Variants in USP33 observed in about 807,000 individuals in gnomAD.
USP33 encodes the protein ubiquitin carboxyl-terminal hydrolase 33.
A neutral mutation model predicts 124.2 loss-of-function variants in USP33; 46 were observed. That is an observed-to-expected ratio of 0.37 (90% CI 0.29 to 0.47). The LOEUF (loss-of-function observed/expected upper bound fraction) is 0.47. USP33 is among the 20% of genes least tolerant of loss of function. USP33 has a pLI of 0.99. For missense variants in USP33, 851 were observed against 1,070.6 expected (o/e 0.79, Z 2.86); for synonymous variants, 350 against 352.3 (o/e 0.99, Z 0.07).
intron 8 of USP33, 77 bp from the exon 9 acceptor site, chr1:77,730,015 CAA>C: frequency 7.8e-7 from 1 of 1,282,058 alleles, no homozygotes; most frequent in Non-Finnish European, 1.1e-6. Flanking sequence ...ACCAATAATT[CAA>C]AGTGTTAAAT....
intron 5 of USP33, among the ~76,000 whole-genome samples, chr1:77,737,039 T>C (rs1380811196): frequency 6.6e-6 from 1 of 151,678 alleles, no homozygotes; most frequent in Non-Finnish European, 1.5e-5. Flanking sequence ...TAGTAAACAC[T>C]TTAAAAAAAA....
Position 77,718,632 on chromosome 1 carries a change from A to G in USP33, c.1701T>C (p.Asn567=). The change falls in exon 16 of 24, where the codon AAT becomes AAC. Residue 567 remains asparagine (N), a synonymous_variant. Coordinates refer to ENST00000370794, the MANE Select transcript of USP33 (RefSeq NM_201624.3). ...YSCEKCKKLR[N]GVKFCKVQNF... Reference sequence around the variant, plus strand: ...TTTGTACTTTACAAAACTTCACTCCATTTCTCAACCTAAGGGGAGAAAAGA... The same window carrying G: ...TTTGTACTTTACAAAACTTCACTCCGTTTCTCAACCTAAGGGGAGAAAAGA... The G allele has an allele frequency of 2.5e-6, 4 of 1,608,554 alleles. No individual in the cohort carries two copies. Among genetic ancestry groups the G allele is most frequent in the Non-Finnish European group, 8.5e-7 (1 of 1,176,686 alleles).
intron 7 of USP33, among the ~76,000 whole-genome samples, chr1:77,732,999 T>C (rs1678013367): frequency 6.6e-6 from 1 of 151,826 alleles, no homozygotes; most frequent in Admixed American, 6.6e-5. Context: ...TTCACTATGT[T>C]GGCCAGGCTG....
At chr1:77,713,443 G>C (rs1391628188) in intron 19 of USP33, 162 bp from the exon 20 acceptor site, 9 of 580,022 alleles carry the variant, frequency 1.6e-5, no homozygotes, top group Non-Finnish European at 2.6e-5. Flanking sequence ...GAGTGCAGTG[G>C]CATGATCATG....
chr1:77,743,385 A>C (rs541604024), intron 1 of USP33, among the ~76,000 whole-genome samples: 1 of 152,288 alleles, frequency 6.6e-6, no homozygotes, highest in African/African-American at 2.4e-5. Flanking sequence ...TTTTAAGAAA[A>C]GTTGAACAAA....
At position 77,697,460 on chromosome 1, in the gene USP33, G is replaced by A. The variant is rs370932717; in HGVS notation, c.2593C>T (p.Gln865Ter). The A allele has an allele frequency of 3.1e-6, 5 of 1,599,450 alleles. No homozygotes were observed. Among genetic ancestry groups the A allele is most frequent in the Non-Finnish European group, 3.4e-6 (4 of 1,176,304 alleles). The part of the protein sequence containing the change: ...VMLRQGADSG[Q>*]ISEETWNFLQ... ...AAATTCCATGTTTCTTCAGAAATCT[G>A]GCCAGAATCTGCTCCTTAAAATTAC... Residue 865 changes from glutamine (Q) to a stop codon, truncating the protein, a stop_gained, in exon 24 of 24, where the codon CAG (glutamine) becomes TAG (stop). Transcript: ENST00000370794. LOFTEE classifies it high-confidence loss of function.
At chr1:77,745,677 C>G (rs1008040014) in intron 1 of USP33, 1 of 152,196 alleles carries the variant, frequency 6.6e-6, no homozygotes, top group African/African-American at 2.4e-5. Flanking sequence ...TTATAACAAA[C>G]TGTCTCTCAG....
At chr1:77,759,298 T>C (rs566209565) in intron 1 of USP33, 27 of 301,180 alleles carry the variant, frequency 9.0e-5, no homozygotes, top group African/African-American at 5.2e-4. Flanking sequence ...CTGGCAAGCC[T>C]GAGTGGGGAG....
chr1:77,718,554 T>G, intron 16 of USP33, 42 bp downstream of exon 16: 1 of 1,456,426 alleles, frequency 6.9e-7, no homozygotes, highest in South Asian at 1.2e-5. Context: ...TACTTTATGT[T>G]CCTACCACAC....
chr1:77,701,544 C>G, intron 21 of USP33, 73 bp from the exon 22 acceptor site: 1 of 1,256,404 alleles, frequency 8.0e-7, no homozygotes. Context: ...CATCATTCCA[C>G]TTCAGTGTTT....
intron 5 of USP33, 111 bp downstream of exon 5, chr1:77,739,154 T>G: frequency 1.5e-6 from 2 of 1,291,176 alleles, no homozygotes; most frequent in Non-Finnish European, 2.1e-6. Context: ...TACAGAAATT[T>G]TCAAAGTACA....
chr1:77,757,482 A>G (rs893913322), intron 1 of USP33, among the ~76,000 whole-genome samples: 2 of 152,236 alleles, frequency 1.3e-5, no homozygotes, highest in African/African-American at 4.8e-5. Flanking sequence ...AACTGTACTC[A>G]TCTCACACTC....
intron 17 of USP33, 99 bp downstream of exon 17, chr1:77,717,768 T>C: frequency 9.0e-7 from 1 of 1,114,182 alleles, no homozygotes; most frequent in Admixed American, 3.1e-5. Flanking sequence ...CCCACCTCAT[T>C]CTCCCAAAAG....
Position 77,725,663 on chromosome 1 carries a change from G to A in USP33, c.1235C>T (p.Ser412Leu). Residue 412 changes from serine to leucine, a missense_variant, in exon 11 of 24, where the codon TCA (serine) becomes TTA (leucine). Physicochemically the swap from Ser to Leu is moderately radical, Grantham distance 145. Around this residue, in one of 4 missense-constraint regions of USP33, gnomAD observed 207 missense variants for 200.9 expected, o/e 1.03. Coordinates refer to ENST00000370794, the MANE Select transcript of USP33 (RefSeq NM_201624.3). The stretch of plus-strand genomic sequence containing the variant: ...TGCCAATCCTGGCCACAAATTGCCT[G>A]ATTTAGGAGGGCTTGCCGATAAACG... ...NPRLSASPPK[S>L]GNLWPGLAPP... The A allele has an allele frequency of 1.2e-6, 2 of 1,614,162 alleles. No individual in the cohort carries two copies. Among genetic ancestry groups the A allele is most frequent in the African/African-American group, 1.3e-5 (1 of 75,064 alleles).
chr1:77,736,980 C>A (rs564559196), intron 5 of USP33, among the ~76,000 whole-genome samples: 5 of 151,952 alleles, frequency 3.3e-5, no homozygotes, highest in African/African-American at 1.2e-4. Context: ...TAATTTCCAA[C>A]AATTGGCTTG....
At chr1:77,752,327 C>T (rs1258556586) in intron 1 of USP33, among the ~76,000 whole-genome samples, 1 of 151,668 alleles carries the variant, frequency 6.6e-6, no homozygotes, top group East Asian at 2.0e-4. Context: ...TTAGTAGAGA[C>T]GGAGTTTCAC....
chr1:77,758,707 G>C (rs929498900), intron 1 of USP33, among the ~76,000 whole-genome samples: 5 of 152,122 alleles, frequency 3.3e-5, no homozygotes, highest in Non-Finnish European at 5.9e-5. Flanking sequence ...TAGGAAAAAC[G>C]GAACTAGGAC....
intron 11 of USP33, among the ~76,000 whole-genome samples, chr1:77,724,352 T>C (rs1676919995): frequency 1.3e-5 from 2 of 152,216 alleles, no homozygotes. Context: ...CATCCAACCT[T>C]ATCTTTCCAT....
intron 1 of USP33, among the ~76,000 whole-genome samples, chr1:77,754,905 G>T (rs894596575): frequency 3.3e-5 from 5 of 152,150 alleles, no homozygotes; most frequent in African/African-American, 1.2e-4. Context: ...CTCTAAATGA[G>T]ATTTGTAAAT....
Sources: allele counts gnomAD v4.1 joint callset (sites outside exome capture counted in the v4.1 genomes callset), GRCh38; gene constraint gnomAD v4.1.1; regional missense constraint gnomAD v4.1.1; transcripts MANE v1.5; gene names NCBI Gene and HGNC (gene_info 2026-07-23, HGNC 2026-07-21).